The following SULF1 variants were observed in gnomAD, a reference collection of about 807,000 sequenced individuals.
The protein encoded by SULF1 is extracellular sulfatase Sulf-1.
Under a neutral mutation model 110.5 loss-of-function variants are expected in SULF1, and 46 were observed. The ratio of observed to expected loss-of-function variants is 0.42; its 90% CI spans 0.33 to 0.53. The LOEUF is 0.53. Ranked by LOEUF, SULF1 falls within the 20% of genes least tolerant of loss-of-function variation. SULF1 has a pLI of 0.12. For missense variants in SULF1, 941 were observed against 1,094.2 expected, an observed-to-expected ratio of 0.86 and a Z score of 1.98; for synonymous variants, 371 against 387.1, an observed-to-expected ratio of 0.96 and a Z score of 0.49.
intron 10 of SULF1, among the ~76,000 whole-genome samples, chr8:69,602,166 A>C (rs1356445010): frequency 1.3e-5 from 2 of 152,194 alleles, no homozygotes; most frequent in Admixed American, 1.3e-4. Flanking sequence ...ATTTAAAAAA[A>C]AAACCTGACA....
intron 5 of SULF1, among the ~76,000 whole-genome samples, chr8:69,573,558 A>G (rs1805393303): frequency 6.6e-6 from 1 of 152,174 alleles, no homozygotes; most frequent in Admixed American, 6.5e-5. Flanking sequence ...TGTTCTTTGA[A>G]ATAGACTACT....
At chr8:69,514,838 G>C (rs528458351) in intron 3 of SULF1, among the ~76,000 whole-genome samples, 1 of 152,330 alleles carries the variant, frequency 6.6e-6, no homozygotes, top group Admixed American at 6.5e-5. Context: ...CAGGAGTGCA[G>C]TCATTAAATC....
intron 13 of SULF1, among the ~76,000 whole-genome samples, chr8:69,614,223 A>G (rs1252067130): frequency 6.6e-6 from 1 of 152,250 alleles, no homozygotes; most frequent in Non-Finnish European, 1.5e-5. Flanking sequence ...GCTCAGGGCC[A>G]CATAGCCATG....
At chr8:69,588,872 T>G in intron 7 of SULF1, 100 bp from the exon 8 acceptor site, 1 of 1,230,940 alleles carries the variant, frequency 8.1e-7, no homozygotes, top group Non-Finnish European at 1.2e-6. Flanking sequence ...ACCTTGCCAC[T>G]TCGTGCAGTG....
At chr8:69,604,610 T>A (rs1310624693) in intron 12 of SULF1, among the ~76,000 whole-genome samples, 193 bp from the exon 13 acceptor site, 1 of 152,122 alleles carries the variant, frequency 6.6e-6, no homozygotes, top group Non-Finnish European at 1.5e-5. Context: ...CTCATCTTCA[T>A]CCTACCCAGT....
At chr8:69,627,061 C>A (rs16936184) in intron 15 of SULF1, 149 bp from the exon 16 acceptor site, 47,981 of 618,404 alleles carry the variant, frequency 0.078, 3,164 homozygotes, top group African/African-American at 0.27. Flanking sequence ...TCTCAATATT[C>A]CCATTGATGC....
Position 69,576,068 on chromosome 8 carries a change from C to T in SULF1, c.271C>T (p.Arg91Trp), listed in dbSNP as rs768298588. The change falls in exon 6 of 23, where the codon CGG becomes TGG. Residue 91 changes from arginine (R) to tryptophan (W), a missense_variant. By Grantham distance (101) the Arg-to-Trp change is moderately radical (BLOSUM62 -3). Around this residue, in one of 3 missense-constraint regions of SULF1, gnomAD observed 822 missense variants for 934.3 expected, o/e 0.88. Coordinates refer to ENST00000402687, the MANE Select transcript of SULF1 (RefSeq NM_001128205.2). ...FVTTPMCCPS[R>W]SSMLTGKYVH... is the part of the protein sequence containing the mutation. ...GACTACACCCATGTGCTGCCCGTCA[C>T]GGTCCTCCATGCTCACCGGGAAGTA... The T allele has an allele frequency of 1.8e-5, 29 of 1,614,220 alleles. No homozygotes were observed. The highest frequency in any genetic ancestry group is 8.9e-5 in the East Asian group (4 of 44,880).
At chr8:69,633,781 G>A (rs1233552933) in intron 19 of SULF1, among the ~76,000 whole-genome samples, 3 of 152,052 alleles carry the variant, frequency 2.0e-5, no homozygotes, top group Non-Finnish European at 4.4e-5. Flanking sequence ...CGTCATCTAC[G>A]TTAGGTATTT....
At chr8:69,624,505 G>T (rs1809848921) in intron 15 of SULF1, among the ~76,000 whole-genome samples, 2 of 152,218 alleles carry the variant, frequency 1.3e-5, no homozygotes, top group African/African-American at 2.4e-5. Context: ...GACTTAGCAG[G>T]CATGGAGTTC....
chr8:69,484,808 A>G lies in SULF1; in HGVS notation c.-390-10957A>G, dbSNP rs1459185940. Among the ~76,000 whole-genome samples, 3 of 138,636 alleles carry G rather than the reference A, an allele frequency of 2.2e-5. No individual in the cohort carries two copies. In the East Asian group the frequency reaches 6.0e-4, roughly 28 times the overall value. The allele number at this position is 138,636 out of a possible 152,430, so 91.0% of individuals were successfully genotyped here. ...GAGGAGAACCACCTCCAGGATATACAGCTTGCTTTCATCTTCCTCTTCTTC... is the reference window on the plus strand; with the variant it reads ...GAGGAGAACCACCTCCAGGATATACGGCTTGCTTTCATCTTCCTCTTCTTC... On this transcript the variant is annotated intron_variant, in intron 1 of 22. Transcript: ENST00000260128.
intron 8 of SULF1, among the ~76,000 whole-genome samples, chr8:69,599,454 C>A (rs2130376936): frequency 6.6e-6 from 1 of 152,306 alleles, no homozygotes; most frequent in South Asian, 2.1e-4. Flanking sequence ...GTTTCTACCA[C>A]TTACTAATGT....
intron 3 of SULF1, among the ~76,000 whole-genome samples, chr8:69,512,755 A>G (rs7816283): frequency 0.52 from 79,434 of 151,502 alleles, 21,474 homozygotes; most frequent in South Asian, 0.65. Context: ...ATCTCATCTT[A>G]GCTAGGTTCC....
At chr8:69,551,909 T>A (rs1479323852) in intron 3 of SULF1, among the ~76,000 whole-genome samples, 1 of 152,160 alleles carries the variant, frequency 6.6e-6, no homozygotes, top group Non-Finnish European at 1.5e-5. Context: ...CTGGCCAACA[T>A]GCTGAAACCT....
At chr8:69,485,473 A>G (rs1337867107) in intron 1 of SULF1, among the ~76,000 whole-genome samples, 1 of 151,772 alleles carries the variant, frequency 6.6e-6, no homozygotes. Flanking sequence ...GCCTGTTGTC[A>G]CTCCCTTGGC....
chr8:69,651,880 T>C (rs1812369774), intron 22 of SULF1, among the ~76,000 whole-genome samples: 1 of 152,230 alleles, frequency 6.6e-6, no homozygotes, highest in Non-Finnish European at 1.5e-5. Context: ...TGTAATAAAT[T>C]ACCACTGTGC....
At chr8:69,641,741 C>G (rs114460918) in intron 22 of SULF1, among the ~76,000 whole-genome samples, 2,570 of 151,942 alleles carry the variant, frequency 0.017, 68 homozygotes, top group African/African-American at 0.059. Context: ...GAGACCCTGT[C>G]TCTAAAAATA....
exon 1 of SULF1, chr8:69,466,939 T>G (rs1311510673): frequency 6.7e-6 from 1 of 150,294 alleles, no homozygotes; most frequent in Admixed American, 6.6e-5. Context: ...AGAAAAGCAG[T>G]TTTTTTTTCA....
intron 5 of SULF1, among the ~76,000 whole-genome samples, chr8:69,571,071 G>C (rs1045876265): frequency 2.0e-5 from 3 of 152,226 alleles, no homozygotes. Context: ...AGTGTGTGTA[G>C]AAAAGGGAAG....
Position 69,575,994 on chromosome 8 carries a change from C to T in SULF1, c.197C>T (p.Thr66Met), listed in dbSNP as rs772952218. The part of the protein sequence containing the change: ...ELGSLQVMNK[T>M]RKIMEHGGAT... The stretch of plus-strand genomic sequence containing the variant: ...GGGTCCCTGCAAGTCATGAACAAAA[C>T]GAGAAAGATTATGGAACATGGGGGG... The change falls in exon 6 of 23, where the codon ACG becomes ATG. Residue 66 changes from threonine (T) to methionine (M), a missense_variant. Around this residue, in one of 3 missense-constraint regions of SULF1, gnomAD observed 822 missense variants for 934.3 expected, o/e 0.88. Coordinates refer to ENST00000402687, the MANE Select transcript of SULF1 (RefSeq NM_001128205.2). 5.6e-6 allele frequency: 9 copies of T among 1,613,852 alleles called. No homozygotes were observed. The highest frequency in any genetic ancestry group is 2.2e-5 in the South Asian group (2 of 91,056).
Sources: gnomAD v4.1 joint callset for allele counts (sites outside exome capture counted in the v4.1 genomes callset) on GRCh38, gnomAD v4.1.1 for gene constraint, gnomAD v4.1.1 regional missense constraint, MANE v1.5 for transcripts, NCBI Gene and HGNC (gene_info 2026-07-23, HGNC 2026-07-21) for gene names.